CDC73: variants seen among roughly 807,000 people sequenced by gnomAD.
CDC73 encodes the protein parafibromin.
CDC73 carries 21 observed loss-of-function variants against 83.7 expected under a neutral mutation model. The ratio of observed to expected loss-of-function variants is 0.25; its 90% CI spans 0.18 to 0.36. The LOEUF is 0.36. Among genes scored for constraint, CDC73 ranks in the 10% least tolerant of loss-of-function variants. The pLI, the probability that CDC73 is intolerant of heterozygous loss-of-function variation, is 1.00. For missense variants in CDC73, 342 were observed against 653.3 expected (o/e 0.52, Z 5.19); for synonymous variants, 224 against 212.9 (o/e 1.05, Z -0.45).
Position 193,241,798 on chromosome 1 carries a change from A to AG in CDC73, c.1417+5446dup, listed in dbSNP as rs760698009. 3.9e-5 allele frequency among the ~76,000 whole-genome samples: 6 copies of AG among 152,208 alleles called. No individual in the cohort carries two copies. The East Asian group carries it at 9.6e-4, about 24-fold the overall frequency. ...GCTCAGGCACTGCTAGGGCGGCAGA[A>AG]GGGGAGGACAGAGCCCAGCCAAGTT... On this transcript the variant is annotated intron_variant, in intron 15 of 16. Coordinates refer to ENST00000367435, the MANE Select transcript of CDC73 (RefSeq NM_024529.5).
At chr1:193,224,076 T>G (rs1677518454) in intron 13 of CDC73, among the ~76,000 whole-genome samples, 4 of 152,030 alleles carry the variant, frequency 2.6e-5, no homozygotes, top group Admixed American at 2.6e-4. Context: ...ACTCTGCTGA[T>G]TTATTGAAAA....
At chr1:193,160,428 A>G (rs1050796771) in intron 10 of CDC73, among the ~76,000 whole-genome samples, 1 of 152,148 alleles carries the variant, frequency 6.6e-6, no homozygotes, top group Non-Finnish European at 1.5e-5. Context: ...TTAAATAACA[A>G]AAATTTATAC....
chr1:193,229,749 TC>T (rs1488364662), intron 13 of CDC73, among the ~76,000 whole-genome samples: 8 of 152,166 alleles, frequency 5.3e-5, no homozygotes, highest in Admixed American at 5.2e-4. Flanking sequence ...TACTGATACA[TC>T]CCACAGCAGG....
At chr1:193,167,526 AACAAATTT>A in intron 10 of CDC73, among the ~76,000 whole-genome samples, 1 of 152,270 alleles carries the variant, frequency 6.6e-6, no homozygotes, top group African/African-American at 2.4e-5. Context: ...AATAGTCTAA[AACAAATTT>A]ATTTCCTCTG....
chr1:193,156,263 C>T (rs1676205987), intron 10 of CDC73, among the ~76,000 whole-genome samples: 1 of 152,114 alleles, frequency 6.6e-6, no homozygotes, highest in African/African-American at 2.4e-5. Flanking sequence ...CCTGTCTAGC[C>T]TGTTCATATT....
chr1:193,220,034 T>A (rs548255929), intron 13 of CDC73, among the ~76,000 whole-genome samples: 1 of 152,298 alleles, frequency 6.6e-6, no homozygotes, highest in Admixed American at 6.5e-5. Context: ...GCTCTAATGT[T>A]GAAAATTTCC....
intron 1 of CDC73, 137 bp downstream of exon 1, chr1:193,122,468 C>A (rs757595129): frequency 1.7e-6 from 2 of 1,162,922 alleles, no homozygotes; most frequent in African/African-American, 1.5e-5. Context: ...AAGTTTCTCT[C>A]TAGAGCAGAA....
chr1:193,203,647 G>C, intron 10 of CDC73, 148 bp from the exon 11 acceptor site: 1 of 663,834 alleles, frequency 1.5e-6, no homozygotes, highest in East Asian at 2.8e-5. Context: ...TTCTTAAACT[G>C]TAGGTCATAA....
chr1:193,223,557 A>G lies in CDC73; in HGVS notation c.1155-9436A>G, dbSNP rs373159304. On this transcript the variant is annotated intron_variant, in intron 13 of 16. Coordinates refer to ENST00000367435, the MANE Select transcript of CDC73 (RefSeq NM_024529.5). ...GGGGTTGTTGGGGAAGAGGGTGAAC[A>G]GTGAGTTTATTTCTAGTTTACCATT... Among the ~76,000 whole-genome samples the G allele has an allele frequency of 2.9e-4, 44 of 152,250 alleles. 3 individuals carry two copies. The South Asian group carries it at 9.1e-3, about 32-fold the overall frequency.
intron 3 of CDC73, among the ~76,000 whole-genome samples, chr1:193,130,686 T>C (rs997187882): frequency 6.6e-6 from 1 of 152,242 alleles, no homozygotes; most frequent in Non-Finnish European, 1.5e-5. Context: ...TTTTTTACCT[T>C]TGTTTCTTTC....
Position 193,251,844 on chromosome 1 carries a change from GT to G in CDC73, c.*1144del, listed in dbSNP as rs538761780. The G allele has an allele frequency of 0.014, 2,734 of 191,446 alleles. 9 individuals carry two copies. Among genetic ancestry groups the G allele is most frequent in the East Asian group, 0.071 (882 of 12,510 alleles). 11.9% of individuals were successfully genotyped at this position (191,446 alleles called of 1,614,324 possible). On this transcript the variant is annotated 3_prime_UTR_variant, in exon 17 of 17. Coordinates refer to ENST00000367435, the MANE Select transcript of CDC73 (RefSeq NM_024529.5). ...TTGCCTTGAACCTTGATTTCACTTTGTTTTTTTTTTTTCCTTAAAGGCAACT... is the reference window on the plus strand; with the variant it reads ...TTGCCTTGAACCTTGATTTCACTTTGTTTTTTTTTTTCCTTAAAGGCAACT...
At chr1:193,149,275 T>C (rs1368266114) in intron 8 of CDC73, among the ~76,000 whole-genome samples, 1 of 150,948 alleles carries the variant, frequency 6.6e-6, no homozygotes, top group Non-Finnish European at 1.5e-5. Flanking sequence ...CAGGGGGAGG[T>C]TTTTGGAATG....
intron 13 of CDC73, among the ~76,000 whole-genome samples, chr1:193,230,794 G>A (rs1234722615): frequency 6.6e-6 from 1 of 152,082 alleles, no homozygotes; most frequent in African/African-American, 2.4e-5. Flanking sequence ...TGACTCTGTG[G>A]AATACTAATC....
intron 10 of CDC73, among the ~76,000 whole-genome samples, chr1:193,164,746 C>T (rs1160224076): frequency 2.0e-5 from 3 of 152,080 alleles, no homozygotes; most frequent in Admixed American, 6.6e-5. Flanking sequence ...CTTGTTGTGT[C>T]TGACTAATCC....
intron 11 of CDC73, among the ~76,000 whole-genome samples, chr1:193,209,222 G>T (rs980873330): frequency 6.6e-6 from 1 of 152,126 alleles, no homozygotes; most frequent in Non-Finnish European, 1.5e-5. Context: ...TTTTCTTATG[G>T]TTTATTCTCA....
At chr1:193,217,725 A>G (rs920233891) in intron 13 of CDC73, among the ~76,000 whole-genome samples, 1 of 152,154 alleles carries the variant, frequency 6.6e-6, no homozygotes, top group Admixed American at 6.5e-5. Context: ...GTGGTCTTGG[A>G]AAATGGAACA....
At chr1:193,129,363 C>G (rs1675648833) in intron 2 of CDC73, among the ~76,000 whole-genome samples, 1 of 151,222 alleles carries the variant, frequency 6.6e-6, no homozygotes, top group Non-Finnish European at 1.5e-5. Flanking sequence ...AACTCATGAC[C>G]TCAAGGGATG....
chr1:193,190,935 G>T (rs534273578), intron 10 of CDC73, among the ~76,000 whole-genome samples: 1 of 152,290 alleles, frequency 6.6e-6, no homozygotes, highest in East Asian at 1.9e-4. Context: ...GGGCATTTTA[G>T]GGCCAGGGTA....
chr1:193,189,829 TCTG>T (rs1013742478), intron 10 of CDC73, among the ~76,000 whole-genome samples: 5 of 152,256 alleles, frequency 3.3e-5, no homozygotes, highest in Admixed American at 3.3e-4. Context: ...CAGATGTAAA[TCTG>T]CTGTTCAAGT....
Sources: gnomAD v4.1 joint callset for allele counts (sites outside exome capture counted in the v4.1 genomes callset) on GRCh38, gnomAD v4.1.1 for gene constraint, MANE v1.5 for transcripts, NCBI Gene and HGNC (gene_info 2026-07-23, HGNC 2026-07-21) for gene names.